CAPN8: variants seen among roughly 807,000 people sequenced by gnomAD.
CAPN8 encodes calpain-8.
Under a neutral mutation model 80.9 loss-of-function variants are expected in CAPN8, and 87 were observed. The observed-to-expected ratio is 1.07, with a 90% CI of 0.90 to 1.28. CAPN8 has a LOEUF of 1.28. CAPN8 is among the 50% of genes most tolerant of loss of function. The pLI is 0.00. For missense variants in CAPN8, 757 were observed against 702.0 expected, an observed-to-expected ratio of 1.08 and a Z score of -0.89; for synonymous variants, 299 against 273.8, an observed-to-expected ratio of 1.09 and a Z score of -0.91.
At chr1:223,643,197 G>A (rs1306642973) in intron 2 of CAPN8, among the ~76,000 whole-genome samples, 2 of 152,220 alleles carry the variant, frequency 1.3e-5, no homozygotes, top group African/African-American at 4.8e-5. Flanking sequence ...TGAAATACAC[G>A]GGATGAGATA....
At chr1:223,612,223 AAT>A in intron 11 of CAPN8, 21 bp downstream of exon 11, 1 of 1,234,252 alleles carries the variant, frequency 8.1e-7, no homozygotes, top group Non-Finnish European at 1.0e-6. Context: ...CAAAGGAAGG[AAT>A]CTCTGTCAGC....
intron 2 of CAPN8, among the ~76,000 whole-genome samples, chr1:223,638,673 G>A (rs1265275013): frequency 6.6e-6 from 1 of 152,070 alleles, no homozygotes; most frequent in Non-Finnish European, 1.5e-5. Context: ...GACACCCCAG[G>A]CTCTGTGGTC....
chr1:223,620,636 G>C (rs1184095731), intron 7 of CAPN8, among the ~76,000 whole-genome samples: 1 of 152,176 alleles, frequency 6.6e-6, no homozygotes, highest in Non-Finnish European at 1.5e-5. Context: ...CTCGTCACTG[G>C]AAAGGCAGGC....
chr1:223,653,348 T>C (rs1383595648), intron 2 of CAPN8, among the ~76,000 whole-genome samples: 3 of 151,820 alleles, frequency 2.0e-5, no homozygotes, highest in Non-Finnish European at 1.5e-5. Context: ...GCGTTTAAAA[T>C]AAAATGCCTT....
intron 7 of CAPN8, among the ~76,000 whole-genome samples, chr1:223,622,069 G>C (rs1011353889): frequency 6.6e-6 from 1 of 152,124 alleles, no homozygotes; most frequent in Non-Finnish European, 1.5e-5. Flanking sequence ...GCCTCCCAAA[G>C]TGTTAGGATT....
At chr1:223,647,009 C>T (rs1362616525) in intron 2 of CAPN8, among the ~76,000 whole-genome samples, 2 of 152,126 alleles carry the variant, frequency 1.3e-5, no homozygotes, top group East Asian at 3.9e-4. Flanking sequence ...TGGCCTGGCA[C>T]CACCTGCCAC....
At chr1:223,654,275 A>G in intron 2 of CAPN8, 55 bp downstream of exon 2, 1 of 1,433,460 alleles carries the variant, frequency 7.0e-7, no homozygotes, top group Non-Finnish European at 9.6e-7. Flanking sequence ...TTTACTCATG[A>G]CACATACACA....
At chr1:223,651,056 A>G (rs987478597) in intron 2 of CAPN8, among the ~76,000 whole-genome samples, 1 of 152,144 alleles carries the variant, frequency 6.6e-6, no homozygotes, top group Non-Finnish European at 1.5e-5. Flanking sequence ...ACTGCACATT[A>G]TAACTTATTC....
chr1:223,633,568 A>G (rs112944988), intron 2 of CAPN8, among the ~76,000 whole-genome samples: 12 of 152,260 alleles, frequency 7.9e-5, no homozygotes, highest in African/African-American at 2.6e-4. Flanking sequence ...AGGCTGAGGC[A>G]AGAGAATCAC....
chr1:223,654,823 G>A (rs1304705191), intron 1 of CAPN8, among the ~76,000 whole-genome samples: 12 of 149,970 alleles, frequency 8.0e-5, no homozygotes, highest in East Asian at 5.9e-4. Context: ...TTACAGGCAC[G>A]TGCCACCACA....
At position 223,544,848 on chromosome 1, in the gene CAPN8, C is replaced by A. The variant is rs1462406465; in HGVS notation, c.1836G>T (p.Glu612Asp). 6.4e-7 allele frequency: 1 copy of A among 1,551,674 alleles called. No individual in the cohort carries two copies. The highest frequency in any genetic ancestry group is 2.0e-5 in the Admixed American group (1 of 51,002). ...GGTTATAATCAGTTTCCCAATAGAT[C>A]TCCTAAAGCAGGAAAGAAATCCCAA... ...TLWLKIQKYL[E>D]IYWETDYNHS... is the part of the protein sequence containing the mutation. Residue 612 changes from glutamate to aspartate, a missense_variant and splice_region_variant, in exon 18 of 21, where the codon GAG (glutamate) becomes GAT (aspartate). Transcript: ENST00000366872.
intron 2 of CAPN8, among the ~76,000 whole-genome samples, chr1:223,646,753 G>T (rs939325819): frequency 6.6e-6 from 1 of 152,214 alleles, no homozygotes; most frequent in Admixed American, 6.5e-5. Flanking sequence ...TAGAGAAATT[G>T]TCCTTAGGCC....
chr1:223,649,517 C>T (rs1658287944), intron 2 of CAPN8, among the ~76,000 whole-genome samples: 1 of 152,190 alleles, frequency 6.6e-6, no homozygotes, highest in African/African-American at 2.4e-5. Context: ...CTCCAACCCC[C>T]TTAATGTACC....
intron 1 of CAPN8, among the ~76,000 whole-genome samples, chr1:223,657,817 C>T (rs1354160624): frequency 6.6e-6 from 1 of 152,134 alleles, no homozygotes; most frequent in African/African-American, 2.4e-5. Context: ...CGCCATTCAT[C>T]CATCGGTCTA....
chr1:223,553,501 A>G (rs979038785), intron 14 of CAPN8, among the ~76,000 whole-genome samples: 151,830 of 152,278 alleles, frequency 1, 75,697 homozygotes, highest in Middle Eastern at 1. Flanking sequence ...AGGTTTTGCC[A>G]TCCCAGCTTT....
At chr1:223,543,044 C>A (rs1656510933) in intron 20 of CAPN8, 64 bp downstream of exon 20, 5 of 1,533,308 alleles carry the variant, frequency 3.3e-6, no homozygotes, top group African/African-American at 1.4e-5. Flanking sequence ...CACTTGGCAG[C>A]TACATGGTCC....
intron 9 of CAPN8, among the ~76,000 whole-genome samples, chr1:223,616,724 C>T (rs1335669479): frequency 1.3e-5 from 2 of 152,292 alleles, no homozygotes; most frequent in South Asian, 2.1e-4. Flanking sequence ...CCTGCGGCAC[C>T]CCTGAGAACT....
intron 2 of CAPN8, among the ~76,000 whole-genome samples, chr1:223,632,898 C>G (rs1229131224): frequency 1.3e-5 from 2 of 152,214 alleles, no homozygotes; most frequent in African/African-American, 4.8e-5. Context: ...GTGGGGCAGA[C>G]TTGGCTGGCA....
At chr1:223,613,959 T>TCA (rs1657100648) in intron 10 of CAPN8, among the ~76,000 whole-genome samples, 1 of 152,344 alleles carries the variant, frequency 6.6e-6, no homozygotes, top group South Asian at 2.1e-4. Context: ...GGACCACAGA[T>TCA]CACACACACT....
Sources: allele counts gnomAD v4.1 joint callset (sites outside exome capture counted in the v4.1 genomes callset), GRCh38; gene constraint gnomAD v4.1.1; transcripts MANE v1.5; gene names NCBI Gene and HGNC (gene_info 2026-07-23, HGNC 2026-07-21).